KCNQ1: variants seen among roughly 807,000 people sequenced by gnomAD.
The protein encoded by KCNQ1 is potassium voltage-gated channel subfamily Q member 1.
A neutral mutation model predicts 72.4 loss-of-function variants in KCNQ1; 49 were observed. That is an observed-to-expected ratio of 0.68 (90% CI 0.54 to 0.86). KCNQ1 has a LOEUF of 0.86. Ranked by LOEUF, KCNQ1 falls within the 40% of genes least tolerant of loss-of-function variation. The pLI is 0.00. For synonymous variants in KCNQ1, 450 were observed against 412.6 expected, an observed-to-expected ratio of 1.09 and a Z score of -1.10; for missense variants, 790 against 945.1, an observed-to-expected ratio of 0.84 and a Z score of 2.15.
chr11:2,592,877 G>A lies in KCNQ1; in HGVS notation c.1393+4023G>A, dbSNP rs1332533366. Among the ~76,000 whole-genome samples, 4 of 152,188 alleles carry A rather than the reference G, an allele frequency of 2.6e-5. No individual in the cohort carries two copies. ...TGCAGGTCAGAAGAGGCCTGGGCTG[G>A]AGCCGCATACTGGCCATGCTGCCTC... On this transcript the variant is annotated intron_variant, in intron 10 of 15. Transcript: ENST00000155840. This position sits in a 1 kb window ranked among gnomAD's most constrained non-coding sequence, Gnocchi z 5.2.
chr11:2,546,909 G>A (rs908796295), intron 2 of KCNQ1, among the ~76,000 whole-genome samples: 2 of 152,114 alleles, frequency 1.3e-5, no homozygotes, highest in African/African-American at 4.8e-5. Flanking sequence ...AGATTAATAT[G>A]GCTATTCTGG....
chr11:2,529,572 G>A (rs1183705302), intron 2 of KCNQ1, among the ~76,000 whole-genome samples: 1 of 152,130 alleles, frequency 6.6e-6, no homozygotes, highest in Non-Finnish European at 1.5e-5. Flanking sequence ...TGTTATTGTT[G>A]CCATCACATA....
rs1590047416 is a variant in KCNQ1 at position 2,712,929 on chromosome 11, G to T, written c.1514+50848G>T. Reference sequence around the variant, plus strand: ...CAAGGCAGTTGTCAGAGCAAGATCAGCTCCCTGGAAGACACCCGGGTTGTA... The same window carrying T: ...CAAGGCAGTTGTCAGAGCAAGATCATCTCCCTGGAAGACACCCGGGTTGTA... On this transcript the variant is annotated intron_variant, in intron 11 of 15. Coordinates refer to ENST00000155840, the MANE Select transcript of KCNQ1 (RefSeq NM_000218.3). This position sits in a 1 kb window ranked among gnomAD's most constrained non-coding sequence, Gnocchi z 6.4. 6.6e-6 allele frequency among the ~76,000 whole-genome samples: 1 copy of T among 152,170 alleles called. No homozygotes were observed. Among genetic ancestry groups the T allele is most frequent in the Non-Finnish European group, 1.5e-5 (1 of 68,024 alleles).
intron 10 of KCNQ1, among the ~76,000 whole-genome samples, chr11:2,607,269 A>T (rs1159143802): frequency 6.6e-6 from 1 of 152,048 alleles, no homozygotes; most frequent in Non-Finnish European, 1.5e-5. Flanking sequence ...TAGTATATTG[A>T]GTAGGGCTTT....
Position 2,447,505 on chromosome 11 carries a change from T to G in KCNQ1, c.386+2021T>G, listed in dbSNP as rs980523795. Among the ~76,000 whole-genome samples the G allele has an allele frequency of 1.3e-5, 2 of 151,896 alleles. No individual in the cohort carries two copies. The highest frequency in any genetic ancestry group is 4.8e-5 in the African/African-American group (2 of 41,356). On this transcript the variant is annotated intron_variant, in intron 1 of 15. Transcript: ENST00000155840. The surrounding 1 kb of genome is among the most constrained non-coding windows in gnomAD (Gnocchi z 7.6). Reference sequence around the variant, plus strand: ...TGACTGGGCAGGACATGTGGCTTGGTGGGGGCCTGGGAGATGCGCTCCCAC... The same window carrying G: ...TGACTGGGCAGGACATGTGGCTTGGGGGGGGCCTGGGAGATGCGCTCCCAC...
chr11:2,794,036 T>G (rs1847083117), intron 15 of KCNQ1, among the ~76,000 whole-genome samples: 1 of 152,086 alleles, frequency 6.6e-6, no homozygotes, highest in African/African-American at 2.4e-5. Flanking sequence ...CACATCCTCC[T>G]GAGGCCATGA....
chr11:2,665,682 G>T (rs1295905292), intron 11 of KCNQ1: 3 of 397,974 alleles, frequency 7.5e-6, no homozygotes, highest in Non-Finnish European at 1.3e-5. Flanking sequence ...TTCGAATGGT[G>T]CCAGGAGGGA....
intron 11 of KCNQ1, among the ~76,000 whole-genome samples, chr11:2,740,006 G>C (rs1846024443): frequency 6.6e-6 from 1 of 152,268 alleles, no homozygotes; most frequent in Non-Finnish European, 1.5e-5. Context: ...TCCTTGTGGA[G>C]CTGTGCGGAG....
At position 2,817,966 on chromosome 11, in the gene KCNQ1, A is replaced by T. The variant is rs936633902; in HGVS notation, c.1795-29801A>T. 6.6e-6 allele frequency among the ~76,000 whole-genome samples: 1 copy of T among 152,098 alleles called. No individual in the cohort carries two copies. Among genetic ancestry groups the T allele is most frequent in the Non-Finnish European group, 1.5e-5 (1 of 68,020 alleles). ...CAGTGAAAAAAACTAACTTCGTATA[A>T]CCCAACTATTCCCAAACTCTATCTA... On this transcript the variant is annotated intron_variant, in intron 15 of 15. Transcript: ENST00000155840. The surrounding 1 kb of genome is among the most constrained non-coding windows in gnomAD (Gnocchi z 6.1).
chr11:2,571,336 G>T lies in KCNQ1; in HGVS notation c.616G>T (p.Val206Phe). Residue 206 changes from valine to phenylalanine, a missense_variant, in exon 4 of 16, where the codon GTC becomes TTC. By Grantham distance (50) the Val-to-Phe change is conservative. Transcript: ENST00000155840. ...KPISIIDLIVVVASMVVLCVG... is the reference protein window; with the variant it reads ...KPISIIDLIVFVASMVVLCVG... ...CCTGCACTCCACAGACCTCATCGTG[G>T]TCGTGGCCTCCATGGTGGTCCTCTG... 1 of 1,613,300 alleles carries T rather than the reference G, an allele frequency of 6.2e-7. No individual in the cohort carries two copies. Among genetic ancestry groups the T allele is most frequent in the Non-Finnish European group, 8.5e-7 (1 of 1,179,944 alleles).
rs900401502 is a variant in KCNQ1 at position 2,620,804 on chromosome 11, C to T, written c.1393+31950C>T. On this transcript the variant is annotated intron_variant, in intron 10 of 15. Coordinates refer to ENST00000155840, the MANE Select transcript of KCNQ1 (RefSeq NM_000218.3). This position sits in a 1 kb window ranked among gnomAD's most constrained non-coding sequence, Gnocchi z 4.5. Reference sequence around the variant, plus strand: ...GTGGCTGAACTAATTTGTATTCCTGCCAACAGTGTATAAGCGTTCCCTTTT... The same window carrying T: ...GTGGCTGAACTAATTTGTATTCCTGTCAACAGTGTATAAGCGTTCCCTTTT... 1 of 398,560 alleles carries T rather than the reference C, an allele frequency of 2.5e-6. No homozygotes were observed. The highest frequency in any genetic ancestry group is 4.4e-5 in the Admixed American group (1 of 22,714). The allele number at this position is 398,560 out of a possible 1,614,324, so 24.7% of individuals were successfully genotyped here.
At chr11:2,506,856 CAT>C (rs1847113285) in intron 1 of KCNQ1, among the ~76,000 whole-genome samples, 1 of 152,178 alleles carries the variant, frequency 6.6e-6, no homozygotes, top group Non-Finnish European at 1.5e-5. Flanking sequence ...GTCTAAAAGT[CAT>C]GTGTGTGTGT....
rs1850175226 is a variant in KCNQ1, at chr11:2,671,082, G to A, written c.1514+9001G>A. 1 of 392,120 alleles carries A rather than the reference G, an allele frequency of 2.6e-6. No individual in the cohort carries two copies. Among genetic ancestry groups the A allele is most frequent in the Non-Finnish European group, 4.4e-6 (1 of 225,006 alleles). 24.3% of individuals were successfully genotyped at this position (392,120 alleles called of 1,614,324 possible). On this transcript the variant is annotated intron_variant, in intron 11 of 15. Coordinates refer to ENST00000155840, the MANE Select transcript of KCNQ1 (RefSeq NM_000218.3). This position sits in a 1 kb window ranked among gnomAD's most constrained non-coding sequence, Gnocchi z 4.7. ...ATCCTTGGTAGTGACTGGCTAGCAGGAGGAAGTCTGGCAGTTAGTCTGAGC... is the reference window on the plus strand; with the variant it reads ...ATCCTTGGTAGTGACTGGCTAGCAGAAGGAAGTCTGGCAGTTAGTCTGAGC...
Position 2,786,949 on chromosome 11 carries a change from G to GTTTT in KCNQ1, c.1794+8925_1794+8928dup, listed in dbSNP as rs5789272. Among the ~76,000 whole-genome samples the GTTTT allele has an allele frequency of 1.0e-4, 12 of 120,332 alleles. 1 individual carries two copies. Among genetic ancestry groups the GTTTT allele is most frequent in the South Asian group, 2.8e-4 (1 of 3,512 alleles). 78.9% of individuals were successfully genotyped at this position (120,332 alleles called of 152,430 possible). A position where few individuals can be genotyped will look rare whatever the true frequency, so the allele number is the denominator to read the frequency against. On this transcript the variant is annotated intron_variant, in intron 15 of 15. Coordinates refer to ENST00000155840, the MANE Select transcript of KCNQ1 (RefSeq NM_000218.3). ...ATTCATGGTGTTTCATTTCGTTTCT[G>GTTTT]TTTTTTTTTTTTTTTTCATTGTAAA...
Position 2,494,884 on chromosome 11 carries a change from C to G in KCNQ1, c.387-33044C>G, listed in dbSNP as rs1225799270. ...GAGTTAGGGAGGGGTCCCTCTTTTT[C>G]TACTGTTTGGAATAGTTTCAGAAGG... On this transcript the variant is annotated intron_variant, in intron 1 of 15. Transcript: ENST00000155840. The surrounding 1 kb of genome is among the most constrained non-coding windows in gnomAD (Gnocchi z 4.6). 6.6e-6 allele frequency among the ~76,000 whole-genome samples: 1 copy of G among 152,118 alleles called. No individual in the cohort carries two copies. The highest frequency in any genetic ancestry group is 1.5e-5 in the Non-Finnish European group (1 of 68,022).
At chr11:2,846,345 G>A (rs1169385674) in intron 15 of KCNQ1, among the ~76,000 whole-genome samples, 2 of 152,186 alleles carry the variant, frequency 1.3e-5, no homozygotes, top group African/African-American at 4.8e-5. Context: ...GTGCTGATCT[G>A]TTTGCCCCTC....
chr11:2,647,528 G>A lies in KCNQ1; in HGVS notation c.1394-14433G>A. On this transcript the variant is annotated intron_variant, in intron 10 of 15. Coordinates refer to ENST00000155840, the MANE Select transcript of KCNQ1 (RefSeq NM_000218.3). The surrounding 1 kb of genome is among the most constrained non-coding windows in gnomAD (Gnocchi z 4.0). ...TGCTTGCCTCACAGAATGAGTTAGG[G>A]AGAATTCCTTTCTCTTCAGTCTTTT... 1 of 398,534 alleles carries A rather than the reference G, an allele frequency of 2.5e-6. No homozygotes were observed. The highest frequency in any genetic ancestry group is 4.4e-6 in the Non-Finnish European group (1 of 226,052). 24.7% of individuals were successfully genotyped at this position (398,534 alleles called of 1,614,324 possible).
chr11:2,490,683 AT>A (rs558290530), intron 1 of KCNQ1, among the ~76,000 whole-genome samples: 1 of 152,066 alleles, frequency 6.6e-6, no homozygotes, highest in Non-Finnish European at 1.5e-5. Flanking sequence ...CCAAGGCAGT[AT>A]TTTTTTTAAT....
chr11:2,488,345 G>A lies in KCNQ1; in HGVS notation c.387-39583G>A, dbSNP rs1193590817. 6.6e-6 allele frequency among the ~76,000 whole-genome samples: 1 copy of A among 152,144 alleles called. No homozygotes were observed. The highest frequency in any genetic ancestry group is 1.9e-4 in the East Asian group (1 of 5,200). On this transcript the variant is annotated intron_variant, in intron 1 of 15. Transcript: ENST00000155840. The surrounding 1 kb of genome is among the most constrained non-coding windows in gnomAD (Gnocchi z 5.1). ...TTCTTGTAGTCTTTGTCTGGCTTTA[G>A]TATCAGAGTAATGCTCTCCTCATAG...
Sources: gnomAD v4.1 joint callset for allele counts (sites outside exome capture counted in the v4.1 genomes callset) on GRCh38, gnomAD v4.1.1 for gene constraint, Gnocchi (gnomAD v3.1) non-coding constraint, MANE v1.5 for transcripts, NCBI Gene and HGNC (gene_info 2026-07-23, HGNC 2026-07-21) for gene names.